Variants in TRHDE observed in about 807,000 individuals in gnomAD.
TRHDE encodes the protein thyrotropin releasing hormone degrading enzyme.
A neutral mutation model predicts 125.7 loss-of-function variants in TRHDE; 72 were observed. The ratio of observed to expected loss-of-function variants is 0.57; its 90% CI spans 0.47 to 0.70. The LOEUF (loss-of-function observed/expected upper bound fraction) is 0.70, where lower values mean the gene tolerates loss of function less well. Among genes scored for constraint, TRHDE ranks in the 30% least tolerant of loss-of-function variants. The pLI, the probability that TRHDE is intolerant of heterozygous loss-of-function variation, is 0.00. For synonymous variants in TRHDE, 509 were observed against 509.1 expected, an observed-to-expected ratio of 1.00 and a Z score of 0.00; for missense variants, 1,110 against 1,327.1, an observed-to-expected ratio of 0.84 and a Z score of 2.54.
chr12:72,472,722 A>G (rs1040418846), intron 4 of TRHDE, among the ~76,000 whole-genome samples: 3 of 152,218 alleles, frequency 2.0e-5, no homozygotes, highest in Non-Finnish European at 4.4e-5. Context: ...GTAGGGTCAC[A>G]AGAAACAAGC....
chr12:72,106,439 C>T (rs1432230249), intron 2 of TRHDE, among the ~76,000 whole-genome samples: 1 of 151,864 alleles, frequency 6.6e-6, no homozygotes, highest in East Asian at 1.9e-4. Flanking sequence ...CTGAGAATAA[C>T]AGATATGAGA....
chr12:72,493,921 GA>G (rs1285047645), intron 5 of TRHDE, among the ~76,000 whole-genome samples: 1 of 151,998 alleles, frequency 6.6e-6, no homozygotes, highest in Non-Finnish European at 1.5e-5. Context: ...ACTACATCCT[GA>G]ACCTACTTCC....
At chr12:72,603,659 A>C (rs1375989533) in intron 12 of TRHDE, among the ~76,000 whole-genome samples, 1 of 152,172 alleles carries the variant, frequency 6.6e-6, no homozygotes, top group Non-Finnish European at 1.5e-5. Flanking sequence ...GGGGAGGCGG[A>C]GCTTGCAGTG....
chr12:72,344,078 CTTTAT>C (rs1870206114), intron 2 of TRHDE, among the ~76,000 whole-genome samples: 1 of 151,916 alleles, frequency 6.6e-6, no homozygotes, highest in Non-Finnish European at 1.5e-5. Flanking sequence ...TGAGCTACAT[CTTTAT>C]TAATATTTCA....
At chr12:72,167,707 T>C (rs1425157779) in intron 2 of TRHDE, 1 of 152,182 alleles carries the variant, frequency 6.6e-6, no homozygotes, top group Non-Finnish European at 1.5e-5. Context: ...ATGTGTTATT[T>C]ACTTTAAACC....
At chr12:72,293,285 C>T (rs1215701327) in intron 2 of TRHDE, among the ~76,000 whole-genome samples, 1 of 151,714 alleles carries the variant, frequency 6.6e-6, no homozygotes, top group Non-Finnish European at 1.5e-5. Context: ...ATATTTTTTC[C>T]CACTCTGGGT....
At chr12:72,505,961 T>C (rs1244846593) in intron 6 of TRHDE, among the ~76,000 whole-genome samples, 1 of 152,140 alleles carries the variant, frequency 6.6e-6, no homozygotes, top group Non-Finnish European at 1.5e-5. Flanking sequence ...ACACACAGTA[T>C]GCCTTATTTC....
chr12:72,470,863 C>CTTTTTTTTTTTTT (rs768937293), intron 4 of TRHDE, among the ~76,000 whole-genome samples: 1 of 67,930 alleles, frequency 1.5e-5, no homozygotes, highest in Non-Finnish European at 2.7e-5. Context: ...TAAATGTCAG[C>CTTTTTTTTTTTTT]TTTTTTTTTT....
chr12:72,213,990 A>G (rs1877836414), intron 2 of TRHDE, among the ~76,000 whole-genome samples: 2 of 152,176 alleles, frequency 1.3e-5, no homozygotes, highest in African/African-American at 4.8e-5. Flanking sequence ...AGTCCTTTTA[A>G]TCGTTGGTCA....
At chr12:72,295,320 G>A (rs1880251794) in intron 2 of TRHDE, among the ~76,000 whole-genome samples, 1 of 152,128 alleles carries the variant, frequency 6.6e-6, no homozygotes, top group Admixed American at 6.5e-5. Flanking sequence ...CATGGAGAGG[G>A]CAGCCCTGGC....
chr12:72,163,158 A>G (rs990977980), intron 2 of TRHDE: 2 of 152,238 alleles, frequency 1.3e-5, no homozygotes, highest in Non-Finnish European at 2.9e-5. Flanking sequence ...AATTGAAAAC[A>G]TTGCCTTAGA....
intron 2 of TRHDE, among the ~76,000 whole-genome samples, chr12:72,171,802 C>T (rs913519729): frequency 2.0e-5 from 3 of 152,154 alleles, no homozygotes; most frequent in Non-Finnish European, 4.4e-5. Flanking sequence ...TACTGATTGT[C>T]CTATCATTAT....
intron 2 of TRHDE, among the ~76,000 whole-genome samples, chr12:72,349,752 A>G (rs1460982754): frequency 1.3e-5 from 2 of 152,022 alleles, no homozygotes; most frequent in African/African-American, 4.8e-5. Flanking sequence ...TTGGTGCAGT[A>G]AAAAGAGCAT....
chr12:72,598,940 G>A (rs1465237058), intron 12 of TRHDE, among the ~76,000 whole-genome samples: 1 of 152,048 alleles, frequency 6.6e-6, no homozygotes. Context: ...ATGTCCATGA[G>A]TACCTATTGT....
chr12:72,180,141 A>T (rs888757096), intron 2 of TRHDE, among the ~76,000 whole-genome samples: 2 of 151,966 alleles, frequency 1.3e-5, no homozygotes, highest in African/African-American at 4.8e-5. Context: ...ATCTCAGCCT[A>T]TGCAAATATG....
intron 2 of TRHDE, among the ~76,000 whole-genome samples, chr12:72,377,530 A>G (rs1262602451): frequency 1.3e-5 from 2 of 152,168 alleles, no homozygotes; most frequent in African/African-American, 4.8e-5. Flanking sequence ...GAAAAAAAGG[A>G]AGCATAAATT....
chr12:72,286,622 T>C lies in TRHDE; in HGVS notation c.915-59T>C, dbSNP rs1007702597. On this transcript the variant is annotated intron_variant, in intron 1 of 18. Coordinates refer to ENST00000261180, the MANE Select transcript of TRHDE (RefSeq NM_013381.3). ...ATTTCATCAACAGAAGCATGTAATG[T>C]GGCCATAACTTAACTCACAACATAA... 4.1e-6 allele frequency: 6 copies of C among 1,470,048 alleles called. No homozygotes were observed. The Admixed American group carries it at 1.1e-4, about 27-fold the overall frequency. 91.1% of individuals were successfully genotyped at this position (1,470,048 alleles called of 1,614,324 possible). A position where few individuals can be genotyped will look rare whatever the true frequency, so the allele number is the denominator to read the frequency against.
At chr12:72,630,898 A>C (rs1417222407) in intron 15 of TRHDE, among the ~76,000 whole-genome samples, 3 of 150,078 alleles carry the variant, frequency 2.0e-5, no homozygotes, top group Admixed American at 6.7e-5. Flanking sequence ...AAAAAAAAAA[A>C]AACCTACCCA....
At chr12:72,106,815 C>T (rs951757082) in intron 2 of TRHDE, among the ~76,000 whole-genome samples, 11 of 151,878 alleles carry the variant, frequency 7.2e-5, no homozygotes, top group Non-Finnish European at 1.6e-4. Context: ...CTAGGTGGTC[C>T]TGGTTTTTAA....
Sources: allele counts gnomAD v4.1 joint callset (sites outside exome capture counted in the v4.1 genomes callset), GRCh38; gene constraint gnomAD v4.1.1; transcripts MANE v1.5; gene names NCBI Gene and HGNC (gene_info 2026-07-23, HGNC 2026-07-21).